CTSB: variants seen among roughly 807,000 people sequenced by gnomAD.
The protein encoded by CTSB is APP secretase.
Under a neutral mutation model 44.3 loss-of-function variants are expected in CTSB, and 57 were observed. The observed-to-expected ratio is 1.29, with a 90% confidence interval of 1.04 to 1.60. The LOEUF is 1.60. Ranked by LOEUF, CTSB falls within the 40% of genes most tolerant of loss-of-function variation. The pLI, the probability that CTSB is intolerant of heterozygous loss-of-function variation, is 0.00. For missense variants in CTSB, 768 were observed against 443.0 expected (o/e 1.73, Z -6.59); for synonymous variants, 320 against 168.0 (o/e 1.91, Z -7.00).
intron 9 of CTSB, 32 bp from the exon 10 acceptor site, chr8:11,845,254 G>A (rs1337799623): frequency 1.3e-6 from 2 of 1,512,862 alleles, no homozygotes; most frequent in South Asian, 1.1e-5. Flanking sequence ...CTTTTAAAGT[G>A]TGACAAGGGT....
chr8:11,865,263 G>C (rs898541449), intron 1 of CTSB, among the ~76,000 whole-genome samples: 2 of 152,214 alleles, frequency 1.3e-5, no homozygotes, highest in African/African-American at 2.4e-5. Context: ...AGAGGCAGCA[G>C]ACTGGGCGCA....
Position 11,845,043 on chromosome 8 carries a change from G to C in CTSB, c.*82C>G. On this transcript the variant is annotated 3_prime_UTR_variant, in exon 10 of 10. Transcript: ENST00000353047. ...GTCCTTCAGACCCTGTCTGAAACTT[G>C]TATCTTACGTGAACTTAAAGAATAA... The C allele has an allele frequency of 2.1e-6, 2 of 959,454 alleles. No homozygotes were observed. Among genetic ancestry groups the C allele is most frequent in the African/African-American group, 1.6e-5 (1 of 62,062 alleles). 59.4% of individuals were successfully genotyped at this position (959,454 alleles called of 1,614,324 possible).
In CTSB at chr8:11,847,828, G is replaced by A; in HGVS notation, c.533-6C>T. 3 of 1,587,358 alleles carry A rather than the reference G, an allele frequency of 1.9e-6. No homozygotes were observed. Among genetic ancestry groups the A allele is most frequent in the Non-Finnish European group, 2.6e-6 (3 of 1,172,188 alleles). Reference sequence around the variant, plus strand: ...GATGGAGTACGGTCTGCACCCTGATGGGACGCGGGAGAAAGCGGAGTCAAC... The same window carrying A: ...GATGGAGTACGGTCTGCACCCTGATAGGACGCGGGAGAAAGCGGAGTCAAC... On this transcript the variant is annotated splice_polypyrimidine_tract_variant and splice_region_variant and intron_variant, in intron 6 of 9. Transcript: ENST00000353047.
intron 1 of CTSB, among the ~76,000 whole-genome samples, chr8:11,861,640 G>T (rs775717871): frequency 6.6e-6 from 1 of 152,186 alleles, no homozygotes; most frequent in Non-Finnish European, 1.5e-5. Flanking sequence ...CAATATTCTG[G>T]AAAGTTCTGA....
intron 1 of CTSB, among the ~76,000 whole-genome samples, chr8:11,864,943 A>G (rs1470596583): frequency 3.9e-5 from 6 of 152,070 alleles, no homozygotes; most frequent in Admixed American, 3.3e-4. Flanking sequence ...ATGTCTAAAC[A>G]CAGAGTGGAA....
rs963587212 is a variant in CTSB, at chr8:11,844,284, G to C, written c.*841C>G. ...GACAGCAGCTACAAGTCTATAGGCA[G>C]TGACAAAGGATCTGAGATCCCATCA... On this transcript the variant is annotated 3_prime_UTR_variant, in exon 10 of 10. Coordinates refer to ENST00000353047, the MANE Select transcript of CTSB (RefSeq NM_001908.5). The C allele has an allele frequency of 1.3e-4, 20 of 152,368 alleles. No homozygotes were observed. Among genetic ancestry groups the C allele is most frequent in the African/African-American group, 4.3e-4 (18 of 41,582 alleles). The allele number at this position is 152,368 out of a possible 1,614,324, so 9.4% of individuals were successfully genotyped here.
At chr8:11,867,700 T>G (rs1225203768) in intron 1 of CTSB, 1 of 152,192 alleles carries the variant, frequency 6.6e-6, no homozygotes, top group Admixed American at 6.5e-5. Context: ...CCTGGCCGCG[T>G]CCCCGCTCCG....
chr8:11,860,071 C>CA, intron 1 of CTSB, among the ~76,000 whole-genome samples: 2 of 150,782 alleles, frequency 1.3e-5, no homozygotes, highest in Admixed American at 1.3e-4. Flanking sequence ...CACTCTGTCT[C>CA]AGAGAAAAAA....
chr8:11,863,063 G>C (rs57775527), intron 1 of CTSB, among the ~76,000 whole-genome samples: 174 of 152,322 alleles, frequency 1.1e-3, no homozygotes, highest in African/African-American at 3.9e-3. Flanking sequence ...CTATAATTCT[G>C]ACACTTCGGG....
Position 11,844,587 on chromosome 8 carries a change from C to G in CTSB, c.*538G>C, listed in dbSNP as rs1193125913. On this transcript the variant is annotated 3_prime_UTR_variant, in exon 10 of 10. Coordinates refer to ENST00000353047, the MANE Select transcript of CTSB (RefSeq NM_001908.5). ...CAGAGTGCACGAAAAAATAAAACTT[C>G]TATTAAAGAATCATGCTGAGCACAA... 2 of 152,690 alleles carry G rather than the reference C, an allele frequency of 1.3e-5. No individual in the cohort carries two copies. Among genetic ancestry groups the G allele is most frequent in the African/African-American group, 2.4e-5 (1 of 41,432 alleles). The allele number at this position is 152,690 out of a possible 1,614,324, so 9.5% of individuals were successfully genotyped here.
intron 5 of CTSB, 63 bp downstream of exon 5, chr8:11,848,983 T>G: frequency 7.9e-7 from 1 of 1,271,490 alleles, no homozygotes; most frequent in Non-Finnish European, 1.1e-6. Flanking sequence ...TCCCCTCCAC[T>G]GAGAAGCTGG....
intron 7 of CTSB, 48 bp from the exon 8 acceptor site, chr8:11,847,216 T>A: frequency 3.4e-6 from 4 of 1,174,880 alleles, no homozygotes; most frequent in Non-Finnish European, 3.8e-6. Context: ...TGACCGTGCC[T>A]CGTGGCACGC....
At chr8:11,866,078 T>A (rs1817105095) in intron 1 of CTSB, among the ~76,000 whole-genome samples, 1 of 149,398 alleles carries the variant, frequency 6.7e-6, no homozygotes, top group African/African-American at 2.5e-5. Flanking sequence ...CTGACAGACA[T>A]CCCAAGGCAC....
chr8:11,856,755 G>C (rs1352613833), intron 1 of CTSB, among the ~76,000 whole-genome samples: 1 of 151,950 alleles, frequency 6.6e-6, no homozygotes, highest in Non-Finnish European at 1.5e-5. Flanking sequence ...TACACATGTA[G>C]GAACACTCCT....
intron 1 of CTSB, chr8:11,864,476 G>T (rs1666560095): frequency 6.6e-6 from 1 of 152,044 alleles, no homozygotes; most frequent in South Asian, 2.1e-4. Flanking sequence ...GGGAGACAAA[G>T]CAAGACCCTG....
At chr8:11,859,152 G>A (rs1399824486) in intron 1 of CTSB, among the ~76,000 whole-genome samples, 2 of 152,088 alleles carry the variant, frequency 1.3e-5, no homozygotes, top group African/African-American at 4.8e-5. Context: ...ACAGAAAAGG[G>A]TGCTCCTCAT....
At chr8:11,856,749 C>T (rs1815583289) in intron 1 of CTSB, among the ~76,000 whole-genome samples, 2 of 151,934 alleles carry the variant, frequency 1.3e-5, no homozygotes, top group African/African-American at 4.8e-5. Context: ...GCAATCTACA[C>T]ATGTAGGAAC....
At chr8:11,857,367 G>A (rs1180531051) in intron 1 of CTSB, among the ~76,000 whole-genome samples, 2 of 152,066 alleles carry the variant, frequency 1.3e-5, no homozygotes, top group Non-Finnish European at 2.9e-5. Flanking sequence ...TCGTGGGTAG[G>A]CAGCGTCTCA....
intron 1 of CTSB, among the ~76,000 whole-genome samples, chr8:11,854,094 C>T (rs1163763216): frequency 2.0e-5 from 3 of 152,156 alleles, no homozygotes; most frequent in African/African-American, 7.2e-5. Flanking sequence ...ACCTCGATGC[C>T]CCAGCCGTTT....
Sources: allele counts gnomAD v4.1 joint callset (sites outside exome capture counted in the v4.1 genomes callset), GRCh38; gene constraint gnomAD v4.1.1; transcripts MANE v1.5; gene names NCBI Gene and HGNC (gene_info 2026-07-23, HGNC 2026-07-21).